Variants in DACH1 observed in about 807,000 individuals in gnomAD.
The protein encoded by DACH1 is dachshund homolog 1.
In DACH1, 12 loss-of-function variants were observed where a neutral mutation model predicts 54.2. The ratio of observed to expected loss-of-function variants is 0.22; its 90% CI spans 0.14 to 0.36. The LOEUF (loss-of-function observed/expected upper bound fraction) is 0.36, where lower values mean the gene tolerates loss of function less well. DACH1 is among the 10% of genes least tolerant of loss of function. The pLI is 1.00. For synonymous variants in DACH1, 386 were observed against 366.2 expected, an observed-to-expected ratio of 1.05 and a Z score of -0.62; for missense variants, 805 against 929.8, an observed-to-expected ratio of 0.87 and a Z score of 1.75.
intron 3 of DACH1, among the ~76,000 whole-genome samples, chr13:71,580,469 T>C (rs971324397): frequency 3.9e-5 from 6 of 152,302 alleles, no homozygotes; most frequent in Admixed American, 6.5e-5. Flanking sequence ...TATTAATGTT[T>C]TTATGCTCAT....
chr13:71,705,357 C>T (rs71431508), intron 1 of DACH1, among the ~76,000 whole-genome samples: 141 of 142,690 alleles, frequency 9.9e-4, no homozygotes, highest in Non-Finnish European at 1.8e-3. Flanking sequence ...ATTTAGGGAC[C>T]GAAATGTTGT....
chr13:71,572,708 T>A, intron 4 of DACH1, 132 bp downstream of exon 4: 1 of 975,352 alleles, frequency 1.0e-6, no homozygotes, highest in South Asian at 2.3e-5. Context: ...CTACAAGTGA[T>A]TTTTTTTAAT....
At chr13:71,845,505 T>C (rs928119128) in intron 1 of DACH1, among the ~76,000 whole-genome samples, 15 of 152,298 alleles carry the variant, frequency 9.8e-5, no homozygotes, top group African/African-American at 3.6e-4. Flanking sequence ...ATGATGAAGC[T>C]GATTCTAGAT....
intron 6 of DACH1, among the ~76,000 whole-genome samples, chr13:71,523,104 T>C (rs1297378071): frequency 2.0e-5 from 3 of 152,112 alleles, no homozygotes; most frequent in African/African-American, 7.2e-5. Flanking sequence ...TTTCCATTGC[T>C]TCTGCCAACA....
intron 2 of DACH1, among the ~76,000 whole-genome samples, chr13:71,674,412 T>A (rs565350041): frequency 3.3e-5 from 5 of 151,076 alleles, no homozygotes; most frequent in Admixed American, 6.6e-5. Context: ...ATCACAAGTG[T>A]CCTTAAAAGA....
intron 8 of DACH1, among the ~76,000 whole-genome samples, chr13:71,476,258 A>G (rs894734000): frequency 3.2e-4 from 49 of 152,232 alleles, no homozygotes; most frequent in African/African-American, 1.1e-3. Context: ...CCTCCTTCCT[A>G]TTTCCTCATA....
chr13:71,536,389 C>A (rs1021720709), intron 6 of DACH1, among the ~76,000 whole-genome samples: 2 of 152,004 alleles, frequency 1.3e-5, no homozygotes, highest in African/African-American at 4.8e-5. Flanking sequence ...AGTGAAAGTT[C>A]TTGACACATC....
chr13:71,645,015 G>A (rs1422188151), intron 2 of DACH1, among the ~76,000 whole-genome samples: 1 of 152,132 alleles, frequency 6.6e-6, no homozygotes, highest in Non-Finnish European at 1.5e-5. Flanking sequence ...GAATATTAAG[G>A]ATACAAACAC....
intron 1 of DACH1, among the ~76,000 whole-genome samples, chr13:71,703,929 A>G (rs1449423607): frequency 1.3e-5 from 2 of 152,160 alleles, no homozygotes; most frequent in Non-Finnish European, 2.9e-5. Flanking sequence ...CTGTCCAAGT[A>G]TGGAGGGGAA....
chr13:71,668,582 T>C (rs564076646), intron 2 of DACH1, among the ~76,000 whole-genome samples: 2 of 152,136 alleles, frequency 1.3e-5, no homozygotes, highest in African/African-American at 2.4e-5. Flanking sequence ...GAAAAAAATA[T>C]TTTATTTGAT....
intron 1 of DACH1, among the ~76,000 whole-genome samples, chr13:71,794,050 T>G (rs1392465107): frequency 6.8e-6 from 1 of 146,344 alleles, no homozygotes; most frequent in Non-Finnish European, 1.5e-5. Flanking sequence ...GGTCCAATTA[T>G]TATCCATTTT....
chr13:71,633,250 A>G (rs1325320126), intron 2 of DACH1, among the ~76,000 whole-genome samples: 1 of 152,210 alleles, frequency 6.6e-6, no homozygotes. Context: ...TTTCACCTGT[A>G]AAACCATTCT....
At chr13:71,780,749 A>G (rs920915620) in intron 1 of DACH1, among the ~76,000 whole-genome samples, 3 of 152,078 alleles carry the variant, frequency 2.0e-5, no homozygotes, top group Non-Finnish European at 4.4e-5. Context: ...AATGTGCTAT[A>G]AAAGTGAAAT....
At position 71,493,495 on chromosome 13, in the gene DACH1, T is replaced by C. The variant is rs1879162015; in HGVS notation, c.1571-4347A>G. ...TGTAGGATCATAAATCCTACATAAA[T>C]GTTTGTTGGTTTAAGCCACTAAGTT... On this transcript the variant is annotated intron_variant, in intron 6 of 10. Transcript: ENST00000613252. Among the ~76,000 whole-genome samples, 3 of 152,170 alleles carry C rather than the reference T, an allele frequency of 2.0e-5. No homozygotes were observed. The South Asian group carries it at 6.2e-4, about 31-fold the overall frequency.
chr13:71,502,967 G>GT (rs1880042588), intron 6 of DACH1, among the ~76,000 whole-genome samples: 1 of 152,204 alleles, frequency 6.6e-6, no homozygotes, highest in Non-Finnish European at 1.5e-5. Flanking sequence ...ATTAATTTAT[G>GT]TAAGTCTGAT....
intron 1 of DACH1, among the ~76,000 whole-genome samples, chr13:71,848,205 AT>A: frequency 8.2e-6 from 1 of 121,966 alleles, no homozygotes; most frequent in East Asian, 6.2e-4. Flanking sequence ...TGAAGCCATT[AT>A]CCCCCCCCAA....
intron 1 of DACH1, among the ~76,000 whole-genome samples, chr13:71,750,149 TCTC>T (rs1884858744): frequency 6.6e-6 from 1 of 152,116 alleles, no homozygotes; most frequent in Non-Finnish European, 1.5e-5. Context: ...TTCCCCTGCT[TCTC>T]CTCCCCACTC....
chr13:71,635,468 G>T (rs1256815181), intron 2 of DACH1, among the ~76,000 whole-genome samples: 1 of 152,068 alleles, frequency 6.6e-6, no homozygotes, highest in East Asian at 1.9e-4. Context: ...TGTATATGTT[G>T]TTCCCAAACA....
intron 1 of DACH1, among the ~76,000 whole-genome samples, chr13:71,820,255 G>T (rs1451851274): frequency 6.6e-6 from 1 of 152,070 alleles, no homozygotes; most frequent in Non-Finnish European, 1.5e-5. Flanking sequence ...CTGCCAAGGG[G>T]TTTCAAGGAA....
Sources: gnomAD v4.1 joint callset for allele counts (sites outside exome capture counted in the v4.1 genomes callset) on GRCh38, gnomAD v4.1.1 for gene constraint, MANE v1.5 for transcripts, NCBI Gene and HGNC (gene_info 2026-07-23, HGNC 2026-07-21) for gene names.